PHACTR2: variants seen among roughly 807,000 people sequenced by gnomAD.
PHACTR2 encodes the protein chromosome 6 open reading frame 56.
A neutral mutation model predicts 76.0 loss-of-function variants in PHACTR2; 30 were observed. That is an observed-to-expected ratio of 0.39 (90% CI 0.30 to 0.54). The LOEUF (loss-of-function observed/expected upper bound fraction) is 0.54, where lower values mean the gene tolerates loss of function less well. Ranked by LOEUF, PHACTR2 falls within the 20% of genes least tolerant of loss-of-function variation. The pLI, the probability that PHACTR2 is intolerant of heterozygous loss-of-function variation, is 0.61. For missense variants in PHACTR2, 696 were observed against 781.1 expected (o/e 0.89, Z 1.30); for synonymous variants, 292 against 292.5 (o/e 1.00, Z 0.02).
chr6:143,690,816 A>G (rs1777627236), intron 1 of PHACTR2, among the ~76,000 whole-genome samples: 1 of 152,204 alleles, frequency 6.6e-6, no homozygotes, highest in Non-Finnish European at 1.5e-5. Flanking sequence ...AAATGTGTTT[A>G]CTGTGATAAT....
At chr6:143,606,223 G>T (rs74387446), upstream of PHACTR2, among the ~76,000 whole-genome samples, 12,018 of 151,546 alleles carry the variant, frequency 0.079, 536 homozygotes, top group East Asian at 0.21. Flanking sequence ...GTCACTTCAA[G>T]TTATGACACT....
Position 143,775,413 on chromosome 6 carries a change from G to A in PHACTR2, c.1589+1198G>A, listed in dbSNP as rs1775249561. Among the ~76,000 whole-genome samples, 1 of 152,186 alleles carries A rather than the reference G, an allele frequency of 6.6e-6. No homozygotes were observed. Among genetic ancestry groups the A allele is most frequent in the Non-Finnish European group, 1.5e-5 (1 of 68,034 alleles). On this transcript the variant is annotated intron_variant, in intron 8 of 12. Transcript: ENST00000440869. The surrounding 1 kb of genome is among the most constrained non-coding windows in gnomAD (Gnocchi z 4.4). ...CGGGAAAAAGCCAGCAGAAGCAAGA[G>A]GGACTAACGTGATTAATGGTATCGA...
In PHACTR2 at chr6:143,539,068, C is replaced by A. The variant is rs909357686; in HGVS notation, c.217+1861C>A. Reference sequence around the variant, plus strand: ...ATTGTAGACAAAGTATAGCTTGCATCGCCATTTTTCATTTTCATGGATGGA... The same window carrying A: ...ATTGTAGACAAAGTATAGCTTGCATAGCCATTTTTCATTTTCATGGATGGA... On this transcript the variant is annotated intron_variant, in intron 1 of 11. Transcript: ENST00000367584. The surrounding 1 kb of genome is among the most constrained non-coding windows in gnomAD (Gnocchi z 4.3). Among the ~76,000 whole-genome samples, 1 of 152,110 alleles carries A rather than the reference C, an allele frequency of 6.6e-6. No homozygotes were observed. Among genetic ancestry groups the A allele is most frequent in the African/African-American group, 2.4e-5 (1 of 41,418 alleles).
intron 9 of PHACTR2, among the ~76,000 whole-genome samples, chr6:143,779,419 G>C (rs550534413): frequency 6.6e-6 from 1 of 150,666 alleles, no homozygotes; most frequent in South Asian, 2.1e-4. Flanking sequence ...GCACTATCTC[G>C]GCTCACTGCA....
chr6:143,727,811 G>T (rs954513955), intron 2 of PHACTR2, among the ~76,000 whole-genome samples: 1 of 151,692 alleles, frequency 6.6e-6, no homozygotes, highest in Non-Finnish European at 1.5e-5. Context: ...GTGTTTTGTT[G>T]TTGAGTTATT....
Position 143,689,379 on chromosome 6 carries a change from T to C in PHACTR2, c.46+11170T>C, listed in dbSNP as rs1191235235. Reference sequence around the variant, plus strand: ...GGTATATGCCTGACACCAAAACTATTTGTCAAATAAATGAATAGCTCTGTT... The same window carrying C: ...GGTATATGCCTGACACCAAAACTATCTGTCAAATAAATGAATAGCTCTGTT... On this transcript the variant is annotated intron_variant, in intron 1 of 12. Transcript: ENST00000440869. This position sits in a 1 kb window ranked among gnomAD's most constrained non-coding sequence, Gnocchi z 4.4. 6.6e-6 allele frequency among the ~76,000 whole-genome samples: 1 copy of C among 152,188 alleles called. No individual in the cohort carries two copies. The highest frequency in any genetic ancestry group is 2.4e-5 in the African/African-American group (1 of 41,436).
chr6:143,807,094 C>T lies in PHACTR2; in HGVS notation c.1883C>T (p.Thr628Ile), dbSNP rs1160303818. The T allele has an allele frequency of 1.9e-6, 3 of 1,607,332 alleles. No individual in the cohort carries two copies. Among genetic ancestry groups the T allele is most frequent in the African/African-American group, 1.3e-5 (1 of 74,652 alleles). ...AAAGAACTAAATGAATTTAAAAGCA[C>T]AGAAATGGAAGTTCATGAAGAGAGT... ...IRKELNEFKS[T>I]EMEVHEESRQ... is the part of the protein sequence containing the mutation. The change falls in exon 12 of 13, where the codon ACA becomes ATA. Residue 628 changes from threonine to isoleucine, a missense_variant. Physicochemically the swap from Thr to Ile is moderately conservative, Grantham distance 89 (BLOSUM62 -1). Coordinates refer to ENST00000440869, the MANE Select transcript of PHACTR2 (RefSeq NM_001100164.2). The surrounding 1 kb of genome is among the most constrained non-coding windows in gnomAD (Gnocchi z 5.5).
intron 1 of PHACTR2, among the ~76,000 whole-genome samples, chr6:143,707,685 G>A (rs923186027): frequency 6.6e-6 from 1 of 152,146 alleles, no homozygotes; most frequent in Non-Finnish European, 1.5e-5. Context: ...AAATTTCAAA[G>A]GGAAGACTAT....
chr6:143,724,919 C>T (rs1778525572), intron 2 of PHACTR2, among the ~76,000 whole-genome samples: 1 of 152,198 alleles, frequency 6.6e-6, no homozygotes, highest in Admixed American at 6.5e-5. Flanking sequence ...TCCTGAGATT[C>T]TTCTTAGAAA....
At chr6:143,551,573 G>A (rs1584052975) in intron 1 of PHACTR2, among the ~76,000 whole-genome samples, 1 of 152,292 alleles carries the variant, frequency 6.6e-6, no homozygotes, top group East Asian at 1.9e-4. Context: ...GACCAGGGCT[G>A]TGATGATAGG....
At chr6:143,638,041 T>C (rs749160541) in intron 1 of PHACTR2, among the ~76,000 whole-genome samples, 1 of 152,212 alleles carries the variant, frequency 6.6e-6, no homozygotes, top group Non-Finnish European at 1.5e-5. Flanking sequence ...ACAAAAGCAA[T>C]AGCATTTCTG....
chr6:143,813,486 T>C (rs568296058), intron 12 of PHACTR2, among the ~76,000 whole-genome samples: 2 of 151,952 alleles, frequency 1.3e-5, no homozygotes, highest in South Asian at 2.1e-4. Flanking sequence ...GGCGTGGTGG[T>C]GGGCGCCTGT....
intron 1 of PHACTR2, among the ~76,000 whole-genome samples, chr6:143,563,722 A>G (rs1446109950): frequency 6.6e-6 from 1 of 151,650 alleles, no homozygotes; most frequent in East Asian, 2.0e-4. Flanking sequence ...CTGGCTGCGC[A>G]CGGTGGCTCA....
Position 143,688,189 on chromosome 6 carries a change from T to A in PHACTR2, c.46+9980T>A, listed in dbSNP as rs370296752. On this transcript the variant is annotated intron_variant, in intron 1 of 12. Transcript: ENST00000440869. The surrounding 1 kb of genome is among the most constrained non-coding windows in gnomAD (Gnocchi z 5.2). ...GGAACCACTGACGCTTTTTTTTTTT[T>A]AAATCAAACCAGAGAAATGATTATT... Among the ~76,000 whole-genome samples the A allele has an allele frequency of 4.3e-4, 62 of 143,236 alleles. No homozygotes were observed. The highest frequency in any genetic ancestry group is 8.4e-4 in the African/African-American group (32 of 38,158). The allele number at this position is 143,236 out of a possible 152,430, so 94.0% of individuals were successfully genotyped here.
chr6:143,712,704 A>G (rs1778206563), intron 2 of PHACTR2, among the ~76,000 whole-genome samples: 1 of 152,222 alleles, frequency 6.6e-6, no homozygotes, highest in Admixed American at 6.5e-5. Flanking sequence ...GAAAGATTTT[A>G]GTGGCTATAT....
At chr6:143,651,214 A>G (rs753239370) in intron 1 of PHACTR2, among the ~76,000 whole-genome samples, 2 of 152,186 alleles carry the variant, frequency 1.3e-5, no homozygotes, top group African/African-American at 2.4e-5. Context: ...TGTTGTGGAG[A>G]AAAAGGAACA....
In PHACTR2 at chr6:143,782,289, T is replaced by C. The variant is rs1439252259; in HGVS notation, c.1646-930T>C. Among the ~76,000 whole-genome samples, 1 of 152,146 alleles carries C rather than the reference T, an allele frequency of 6.6e-6. No homozygotes were observed. The highest frequency in any genetic ancestry group is 1.5e-5 in the Non-Finnish European group (1 of 68,020). On this transcript the variant is annotated intron_variant, in intron 9 of 12. Transcript: ENST00000440869. This position sits in a 1 kb window ranked among gnomAD's most constrained non-coding sequence, Gnocchi z 4.6. ...AAGAAGTTTTCCTTTTTCAACCTTT[T>C]GGTCAAGGCTTTATATGGTGTTATT...
chr6:143,642,568 T>C (rs1002165095), intron 1 of PHACTR2, among the ~76,000 whole-genome samples: 2 of 152,180 alleles, frequency 1.3e-5, no homozygotes, highest in African/African-American at 4.8e-5. Context: ...CCTCAGAACA[T>C]GACCTTATTT....
rs1775255771 is a variant in PHACTR2, at chr6:143,775,648, G to C, written c.1589+1433G>C. On this transcript the variant is annotated intron_variant, in intron 8 of 12. Coordinates refer to ENST00000440869, the MANE Select transcript of PHACTR2 (RefSeq NM_001100164.2). The surrounding 1 kb of genome is among the most constrained non-coding windows in gnomAD (Gnocchi z 4.4). ...TTTGTACTTTCTACTCTATGTAAGA[G>C]AGTATATGCTTCTAGGTTTTCTGAT... 6.6e-6 allele frequency among the ~76,000 whole-genome samples: 1 copy of C among 152,162 alleles called. No individual in the cohort carries two copies. Among genetic ancestry groups the C allele is most frequent in the Non-Finnish European group, 1.5e-5 (1 of 68,018 alleles).
Sources: allele counts gnomAD v4.1 joint callset (sites outside exome capture counted in the v4.1 genomes callset), GRCh38; gene constraint gnomAD v4.1.1; non-coding constraint Gnocchi (gnomAD v3.1); transcripts MANE v1.5; gene names NCBI Gene and HGNC (gene_info 2026-07-23, HGNC 2026-07-21).